Variants in ANGPTL4 observed in about 807,000 individuals in gnomAD.
ANGPTL4 encodes angiopoietin like 4.
Under a neutral mutation model 39.2 loss-of-function variants are expected in ANGPTL4, and 39 were observed. The observed-to-expected ratio is 1.00, with a 90% CI of 0.77 to 1.30. The LOEUF (loss-of-function observed/expected upper bound fraction) is 1.30, where lower values mean the gene tolerates loss of function less well. Among genes scored for constraint, ANGPTL4 ranks in the 50% most tolerant of loss-of-function variants. The pLI is 0.00. For synonymous variants in ANGPTL4, 233 were observed against 229.5 expected (o/e 1.02, Z -0.14); for missense variants, 545 against 549.8 (o/e 0.99, Z 0.09).
intron 3 of ANGPTL4, among the ~76,000 whole-genome samples, chr19:8,367,634 C>A (rs1971032705): frequency 6.6e-6 from 1 of 152,112 alleles, no homozygotes; most frequent in South Asian, 2.1e-4. Context: ...TCCTCCCAGT[C>A]TGGAGCGTCT....
chr19:8,366,862 C>T (rs1233130133), intron 3 of ANGPTL4, among the ~76,000 whole-genome samples: 1 of 151,984 alleles, frequency 6.6e-6, no homozygotes, highest in South Asian at 2.1e-4. Flanking sequence ...CTCTCTTGTT[C>T]TCCTCCTCCC....
intron 4 of ANGPTL4, among the ~76,000 whole-genome samples, chr19:8,369,544 C>T (rs1406317058): frequency 6.6e-6 from 1 of 150,880 alleles, no homozygotes; most frequent in Non-Finnish European, 1.5e-5. Context: ...ACCTCCGCCT[C>T]CCGGGTTCAA....
chr19:8,367,625 C>T (rs1273286673), intron 3 of ANGPTL4, among the ~76,000 whole-genome samples: 1 of 152,060 alleles, frequency 6.6e-6, no homozygotes, highest in Non-Finnish European at 1.5e-5. Flanking sequence ...GGGGGCGGTT[C>T]CTCCCAGTCT....
intron 6 of ANGPTL4, 54 bp from the exon 7 acceptor site, chr19:8,373,651 C>T: frequency 1.1e-5 from 18 of 1,612,816 alleles, no homozygotes; most frequent in Non-Finnish European, 1.4e-5. Flanking sequence ...CTCCTTTCAG[C>T]CCCATCGGTG....
At chr19:8,369,358 C>T (rs1275495396) in intron 4 of ANGPTL4, 26 bp downstream of exon 4, 2 of 1,550,202 alleles carry the variant, frequency 1.3e-6, no homozygotes, top group South Asian at 1.1e-5. Context: ...CCACCAGGGG[C>T]CCCTCTCCCC....
At chr19:8,365,426 C>T (rs1051277070) in intron 1 of ANGPTL4, among the ~76,000 whole-genome samples, 1 of 151,940 alleles carries the variant, frequency 6.6e-6, no homozygotes, top group Non-Finnish European at 1.5e-5. Context: ...TGCAGTGAGC[C>T]GGGATCATGC....
intron 1 of ANGPTL4, among the ~76,000 whole-genome samples, chr19:8,365,464 C>T (rs766217470): frequency 1.3e-5 from 2 of 151,866 alleles, no homozygotes; most frequent in African/African-American, 2.4e-5. Context: ...GGCGACAGAG[C>T]TCGACTCCAT....
chr19:8,369,357 G>A, intron 4 of ANGPTL4, 25 bp downstream of exon 4: 3 of 1,567,036 alleles, frequency 1.9e-6, no homozygotes, highest in African/African-American at 1.3e-5. Flanking sequence ...TCCACCAGGG[G>A]CCCCTCTCCC....
Position 8,365,028 on chromosome 19 carries a change from G to A in ANGPTL4, c.318+389G>A, listed in dbSNP as rs1227504082. Among the ~76,000 whole-genome samples the A allele has an allele frequency of 3.9e-5, 6 of 152,146 alleles. No individual in the cohort carries two copies. In the East Asian group the frequency reaches 1.2e-3, roughly 29 times the overall value. ...TACTAAAAATACAAAAAATTAGCCT[G>A]GCATGGTGTGCATGCCTGTAATCCC... On this transcript the variant is annotated intron_variant, in intron 1 of 6. Coordinates refer to ENST00000301455, the MANE Select transcript of ANGPTL4 (RefSeq NM_139314.3).
Position 8,366,272 on chromosome 19 carries a change from A to C in ANGPTL4, c.500A>C (p.Glu167Ala), listed in dbSNP as rs1394408458. Residue 167 changes from glutamate (E) to alanine (A), a missense_variant, in exon 3 of 7, where the codon GAG becomes GCG. By Grantham distance (107) the Glu-to-Ala change is moderately radical. Coordinates refer to ENST00000301455, the MANE Select transcript of ANGPTL4 (RefSeq NM_139314.3). The part of the protein sequence containing the change: ...AKPARRKRLP[E>A]MAQPVDPAHN... The stretch of plus-strand genomic sequence containing the variant: ...CCTGCCCGAAGAAAGAGGCTGCCCG[A>C]GATGGCCCAGCCAGTTGACCCGGCT... The C allele has an allele frequency of 1.2e-6, 2 of 1,614,074 alleles. No homozygotes were observed. Among genetic ancestry groups the C allele is most frequent in the Admixed American group, 3.3e-5 (2 of 60,010 alleles).
In ANGPTL4 at chr19:8,373,835, G is replaced by A; in HGVS notation, c.1170G>A (p.Leu390=). ...WKTWRGRYYP[L]QATTMLIQPM... is the part of the protein sequence containing the mutation. ...CCTGGCGGGGCCGCTACTACCCGCT[G>A]CAGGCCACCACCATGTTGATCCAGC... Residue 390 remains leucine (L), a synonymous_variant, in exon 7 of 7, where the codon CTG becomes CTA. Coordinates refer to ENST00000301455, the MANE Select transcript of ANGPTL4 (RefSeq NM_139314.3). 7.4e-6 allele frequency: 12 copies of A among 1,613,852 alleles called. No homozygotes were observed. Among genetic ancestry groups the A allele is most frequent in the Non-Finnish European group, 1.0e-5 (12 of 1,180,000 alleles).
In ANGPTL4 at chr19:8,364,342, C is replaced by G; in HGVS notation, c.21C>G (p.Ala7=). MSGAPT[A]GAALMLCAAT... is the part of the protein sequence containing the mutation. Reference sequence around the variant, plus strand: ...AGAGGATGAGCGGTGCTCCGACGGCCGGGGCAGCCCTGATGCTCTGCGCCG... The same window carrying G: ...AGAGGATGAGCGGTGCTCCGACGGCGGGGGCAGCCCTGATGCTCTGCGCCG... Residue 7 remains alanine (A), a synonymous_variant, in exon 1 of 7, where the codon GCC becomes GCG. Coordinates refer to ENST00000301455, the MANE Select transcript of ANGPTL4 (RefSeq NM_139314.3). 2 of 1,546,624 alleles carry G rather than the reference C, an allele frequency of 1.3e-6. No homozygotes were observed. The highest frequency in any genetic ancestry group is 2.4e-5 in the South Asian group (2 of 84,696).
Position 8,374,308 on chromosome 19 carries a change from C to G in ANGPTL4, c.*422C>G. The G allele has an allele frequency of 5.1e-6, 1 of 195,806 alleles. No individual in the cohort carries two copies. Among genetic ancestry groups the G allele is most frequent in the South Asian group, 1.0e-4 (1 of 9,622 alleles). The allele number at this position is 195,806 out of a possible 1,614,324, so 12.1% of individuals were successfully genotyped here. A position where few individuals can be genotyped will look rare whatever the true frequency, so the allele number is the denominator to read the frequency against. On this transcript the variant is annotated 3_prime_UTR_variant, in exon 7 of 7. Coordinates refer to ENST00000301455, the MANE Select transcript of ANGPTL4 (RefSeq NM_139314.3). ...TGTGTAGGTCCCCTGGGGACACAAG[C>G]AGGCGCCAATGGTATCTGGGCGGAG... is the stretch of plus-strand genomic sequence containing the variant.
At chr19:8,373,238 C>T (rs1285923934) in intron 6 of ANGPTL4, among the ~76,000 whole-genome samples, 1 of 152,162 alleles carries the variant, frequency 6.6e-6, no homozygotes, top group East Asian at 1.9e-4. Context: ...AACCCCCTCA[C>T]TACTAAAAAT....
At chr19:8,367,431 C>T (rs1971028187) in intron 3 of ANGPTL4, among the ~76,000 whole-genome samples, 1 of 152,204 alleles carries the variant, frequency 6.6e-6, no homozygotes, top group Admixed American at 6.5e-5. Context: ...AGGCGAACAG[C>T]TGGCATTCAT....
chr19:8,371,715 G>A lies in ANGPTL4; in HGVS notation c.1039+193G>A, dbSNP rs577683372. On this transcript the variant is annotated intron_variant, in intron 6 of 6. Coordinates refer to ENST00000301455, the MANE Select transcript of ANGPTL4 (RefSeq NM_139314.3). The surrounding 1 kb of genome is among the most constrained non-coding windows in gnomAD (Gnocchi z 5.1). ...TCCCATCCTGAAAAGGGTCTTGACC[G>A]TCTTTACTTTTATTTACTTATGTGT... 2.6e-5 allele frequency among the ~76,000 whole-genome samples: 4 copies of A among 152,218 alleles called. No homozygotes were observed. Among genetic ancestry groups the A allele is most frequent in the African/African-American group, 4.8e-5 (2 of 41,530 alleles).
At position 8,369,343 on chromosome 19, in the gene ANGPTL4, T is replaced by A. The variant is rs1290269431; in HGVS notation, c.661+11T>A. 4 of 1,603,730 alleles carry A rather than the reference T, an allele frequency of 2.5e-6. No individual in the cohort carries two copies. The highest frequency in any genetic ancestry group is 1.7e-4 in the Middle Eastern group (1 of 5,744). On this transcript the variant is annotated intron_variant, in intron 4 of 6. Coordinates refer to ENST00000301455, the MANE Select transcript of ANGPTL4 (RefSeq NM_139314.3). ...GCAAGATGACCTCAGGTAGGGTGTG[T>A]TAGTCCACCAGGGGCCCCTCTCCCC...
chr19:8,373,800 T>G lies in ANGPTL4; in HGVS notation c.1135T>G (p.Phe379Val). 1.2e-6 allele frequency: 2 copies of G among 1,614,048 alleles called. No homozygotes were observed. Among genetic ancestry groups the G allele is most frequent in the South Asian group, 2.2e-5 (2 of 91,088 alleles). ...QQRQKLKKGI[F>V]WKTWRGRYYP... ...GCGGCAGAAGCTTAAGAAGGGAATC[T>G]TCTGGAAGACCTGGCGGGGCCGCTA... is the stretch of plus-strand genomic sequence containing the variant. The change falls in exon 7 of 7, where the codon TTC (phenylalanine) becomes GTC (valine). Residue 379 changes from phenylalanine to valine, a missense_variant. By Grantham distance (50) the Phe-to-Val change is conservative. Transcript: ENST00000301455.
At position 8,373,898 on chromosome 19, in the gene ANGPTL4, G is replaced by T. The variant is rs1010576800; in HGVS notation, c.*12G>T. ...AGGCAGCCTCCTAGCGTCCTGGCTG[G>T]GCCTGGTCCCAGGCCCACGAAAGAC... On this transcript the variant is annotated 3_prime_UTR_variant, in exon 7 of 7. Transcript: ENST00000301455. 1.9e-6 allele frequency: 3 copies of T among 1,612,408 alleles called. No homozygotes were observed. In the African/African-American group the frequency reaches 4.0e-5, roughly 22 times the overall value.
Sources: allele counts gnomAD v4.1 joint callset (sites outside exome capture counted in the v4.1 genomes callset), GRCh38; gene constraint gnomAD v4.1.1; non-coding constraint Gnocchi (gnomAD v3.1); transcripts MANE v1.5; gene names NCBI Gene and HGNC (gene_info 2026-07-23, HGNC 2026-07-21).